SH3GL3: variants seen among roughly 807,000 people sequenced by gnomAD.
SH3GL3 encodes endophilin-A3.
Under a neutral mutation model 47.7 loss-of-function variants are expected in SH3GL3, and 33 were observed. That is an observed-to-expected ratio of 0.69 (90% confidence interval 0.52 to 0.92). SH3GL3 has a LOEUF of 0.92. Among genes scored for constraint, SH3GL3 ranks in the 40% least tolerant of loss-of-function variants. SH3GL3 has a pLI of 0.00. For synonymous variants in SH3GL3, 155 were observed against 148.8 expected (o/e 1.04, Z -0.30); for missense variants, 363 against 417.8 (o/e 0.87, Z 1.14).
intron 8 of SH3GL3, among the ~76,000 whole-genome samples, chr15:83,607,840 A>AAAT (rs60113695): frequency 0.076 from 10,842 of 142,806 alleles, 452 homozygotes; most frequent in South Asian, 0.16. Flanking sequence ...TCAGAGTGGC[A>AAAT]AATAATAATA....
At chr15:83,490,975 G>C in intron 1 of SH3GL3, 1 of 1,602,244 alleles carries the variant, frequency 6.2e-7, no homozygotes, top group South Asian at 1.1e-5. Flanking sequence ...ATTCTCATCA[G>C]CACAGAAGCA....
chr15:83,513,817 C>T (rs189066414), intron 1 of SH3GL3, among the ~76,000 whole-genome samples: 1 of 152,238 alleles, frequency 6.6e-6, no homozygotes, highest in Admixed American at 6.5e-5. Context: ...GAATAAGGAT[C>T]GTAAATGGAT....
At chr15:83,598,803 A>G (rs941604128) in intron 8 of SH3GL3, among the ~76,000 whole-genome samples, 6 of 152,242 alleles carry the variant, frequency 3.9e-5, no homozygotes, top group African/African-American at 7.2e-5. Context: ...GTTAAAAGTC[A>G]TTTACAGACT....
At chr15:83,628,854 C>A in the SH3GL3 span, among the ~76,000 whole-genome samples, 1 of 151,578 alleles carries the variant, frequency 6.6e-6, no homozygotes, top group Non-Finnish European at 1.5e-5. Context: ...AAAAAACAAC[C>A]AAAAAACTAA....
intron 1 of SH3GL3, among the ~76,000 whole-genome samples, chr15:83,466,167 G>T (rs553067606): frequency 2.9e-4 from 44 of 152,210 alleles, no homozygotes; most frequent in African/African-American, 1.0e-3. Context: ...TAAAGTGTCA[G>T]CGTAATACTA....
chr15:83,497,499 A>G (rs558529012), intron 1 of SH3GL3, among the ~76,000 whole-genome samples: 13 of 152,080 alleles, frequency 8.5e-5, no homozygotes, highest in Admixed American at 6.5e-4. Context: ...TCTTCCAAAC[A>G]TATTTTTTTG....
rs577097053 is a variant in SH3GL3, at chr15:83,538,004, G to A, written c.46-21249G>A. On this transcript the variant is annotated intron_variant, in intron 1 of 8. Transcript: ENST00000427482. ...TAATATTTATTATATGTGTTTTATC[G>A]ATTTACTTCCTGGAAGTGAGATTAA... 4.7e-4 allele frequency among the ~76,000 whole-genome samples: 72 copies of A among 152,196 alleles called. No individual in the cohort carries two copies. In the South Asian group the frequency reaches 8.1e-3, roughly 17 times the overall value.
At chr15:83,611,802 T>C (rs747990005) in intron 8 of SH3GL3, among the ~76,000 whole-genome samples, 1 of 152,060 alleles carries the variant, frequency 6.6e-6, no homozygotes. Context: ...TATCTAACAG[T>C]TGGAAAGCCT....
intron 1 of SH3GL3, among the ~76,000 whole-genome samples, chr15:83,494,960 G>A (rs1256205846): frequency 1.3e-5 from 2 of 152,162 alleles, no homozygotes; most frequent in Non-Finnish European, 2.9e-5. Context: ...GTCAGGCTCT[G>A]TGCACCTCCT....
intron 1 of SH3GL3, among the ~76,000 whole-genome samples, chr15:83,456,791 T>C (rs1171968298): frequency 1.3e-5 from 2 of 152,030 alleles, no homozygotes; most frequent in African/African-American, 4.8e-5. Context: ...CGCTGGGAGC[T>C]GTAGACCGGA....
intron 5 of SH3GL3, 34 bp downstream of exon 5, chr15:83,572,732 T>G: frequency 6.8e-7 from 1 of 1,479,764 alleles, no homozygotes; most frequent in Non-Finnish European, 9.3e-7. Flanking sequence ...TACCTGTTGC[T>G]ACATAAGATG....
At chr15:83,462,733 T>C (rs929110069) in intron 1 of SH3GL3, among the ~76,000 whole-genome samples, 37 of 152,234 alleles carry the variant, frequency 2.4e-4, no homozygotes, top group African/African-American at 8.7e-4. Context: ...GTTTGTCTAG[T>C]GTCTTAAAAT....
At chr15:83,457,713 A>G (rs576825694) in intron 1 of SH3GL3, among the ~76,000 whole-genome samples, 4 of 152,334 alleles carry the variant, frequency 2.6e-5, no homozygotes, top group Admixed American at 6.5e-5. Context: ...AAGCTAAAAC[A>G]TTCTTGCTCC....
chr15:83,599,248 A>G (rs1451521920), intron 8 of SH3GL3, among the ~76,000 whole-genome samples: 1 of 152,048 alleles, frequency 6.6e-6, no homozygotes, highest in Admixed American at 6.5e-5. Context: ...ATTTGGTTAC[A>G]TAAGTAAGCT....
rs545792462 is a variant in SH3GL3 at position 83,618,013 on chromosome 15, C to T, written c.839-69C>T. The T allele has an allele frequency of 5.5e-6, 6 of 1,089,984 alleles. No homozygotes were observed. In the South Asian group the frequency reaches 6.4e-5, roughly 12 times the overall value. The allele number at this position is 1,089,984 out of a possible 1,614,324, so 67.5% of individuals were successfully genotyped here. A position where few individuals can be genotyped will look rare whatever the true frequency, so the allele number is the denominator to read the frequency against. ...TTAAGGGTCTCTCTGAGCTTTTCCA[C>T]ATTTCCAATTTCCCATGGATAATCC... On this transcript the variant is annotated intron_variant, in intron 8 of 8. Transcript: ENST00000427482.
At chr15:83,460,603 T>G (rs1223732367) in intron 1 of SH3GL3, among the ~76,000 whole-genome samples, 1 of 152,190 alleles carries the variant, frequency 6.6e-6, no homozygotes, top group African/African-American at 2.4e-5. Flanking sequence ...TGGTGCTTTG[T>G]GCTGTCTTTA....
At chr15:83,582,265 C>T (rs1455329652) in intron 6 of SH3GL3, among the ~76,000 whole-genome samples, 3 of 152,134 alleles carry the variant, frequency 2.0e-5, no homozygotes, top group African/African-American at 7.2e-5. Flanking sequence ...TATTTCAGTC[C>T]AGTGAGTCCA....
intron 1 of SH3GL3, among the ~76,000 whole-genome samples, chr15:83,494,972 C>G (rs1322719656): frequency 6.6e-6 from 1 of 152,154 alleles, no homozygotes. Context: ...GCACCTCCTC[C>G]CTCTCCCCCT....
chr15:83,630,195 A>C, the SH3GL3 span, among the ~76,000 whole-genome samples: 1 of 152,040 alleles, frequency 6.6e-6, no homozygotes, highest in South Asian at 2.1e-4. Flanking sequence ...AATCAATTAA[A>C]CCTCTTTCCT....
Sources: allele counts gnomAD v4.1 joint callset (sites outside exome capture counted in the v4.1 genomes callset), GRCh38; gene constraint gnomAD v4.1.1; transcripts MANE v1.5; gene names NCBI Gene and HGNC (gene_info 2026-07-23, HGNC 2026-07-21).